The following LRRK1 variants were observed in gnomAD, a reference collection of about 807,000 sequenced individuals.
LRRK1 encodes the protein leucine rich repeat kinase 1, also known as leucine-rich repeat serine/threonine-protein kinase 1.
A neutral mutation model predicts 209.1 loss-of-function variants in LRRK1; 113 were observed. The observed-to-expected ratio is 0.54, with a 90% CI of 0.46 to 0.63. LRRK1 has a LOEUF of 0.63. LRRK1 is among the 30% of genes least tolerant of loss of function. LRRK1 has a pLI of 0.00. For synonymous variants in LRRK1, 1,144 were observed against 1,099.7 expected (o/e 1.04, Z -0.80); for missense variants, 2,284 against 2,632.2 (o/e 0.87, Z 2.89).
chr15:101,026,181 C>T, intron 17 of LRRK1, 44 bp downstream of exon 17: 2 of 1,579,986 alleles, frequency 1.3e-6, no homozygotes, highest in Non-Finnish European at 8.7e-7. Context: ...TTGTGGGTGC[C>T]AGTCGCTGAT....
chr15:101,068,970 C>T lies in LRRK1; in HGVS notation c.*122C>T. Reference sequence around the variant, plus strand: ...GACAGATGGAGTTCTCCCCTGAACTCCTTGCTGCTAAGAAGTGCTGAGAAG... The same window carrying T: ...GACAGATGGAGTTCTCCCCTGAACTTCTTGCTGCTAAGAAGTGCTGAGAAG... On this transcript the variant is annotated 3_prime_UTR_variant, in exon 34 of 34. Coordinates refer to ENST00000388948, the MANE Select transcript of LRRK1 (RefSeq NM_024652.6). The T allele has an allele frequency of 1.0e-6, 1 of 980,058 alleles. No homozygotes were observed. 60.7% of individuals were successfully genotyped at this position (980,058 alleles called of 1,614,324 possible).
intron 3 of LRRK1, 85 bp downstream of exon 3, chr15:100,974,052 C>A: frequency 8.9e-7 from 1 of 1,119,858 alleles, no homozygotes; most frequent in South Asian, 4.6e-5. Flanking sequence ...TCGTTATTGT[C>A]ATAACGGTAA....
rs1399833748 is a variant in LRRK1, at chr15:101,012,061, TGTC to T, written c.1336_1338del (p.Val446del). The T allele has an allele frequency of 3.1e-6, 5 of 1,612,210 alleles. No individual in the cohort carries two copies. The Admixed American group carries it at 8.4e-5, about 27-fold the overall frequency. ...TGGAATGTCTGCCAGACAAAATGGC[TGTC>T]TTTTGGAAAAATCACCTGAAGGATG... is the stretch of plus-strand genomic sequence containing the variant. On this transcript the variant is annotated inframe_deletion, in exon 10 of 34. Transcript: ENST00000388948.
In LRRK1 at chr15:100,985,329, C is replaced by G. The variant is rs956662876; in HGVS notation, c.433+1630C>G. 6.6e-5 allele frequency among the ~76,000 whole-genome samples: 10 copies of G among 152,216 alleles called. No individual in the cohort carries two copies. In the East Asian group the frequency reaches 1.7e-3, roughly 26 times the overall value. On this transcript the variant is annotated intron_variant, in intron 4 of 33. Transcript: ENST00000388948. Reference sequence around the variant, plus strand: ...TCTAGCCCTGAAGAGTCTGCACCAGCTGACTCCGTCACCTAATGTTAGCTA... The same window carrying G: ...TCTAGCCCTGAAGAGTCTGCACCAGGTGACTCCGTCACCTAATGTTAGCTA...
chr15:100,995,677 G>C (rs1033870889), intron 6 of LRRK1, among the ~76,000 whole-genome samples: 1 of 152,184 alleles, frequency 6.6e-6, no homozygotes, highest in Non-Finnish European at 1.5e-5. Context: ...AGAAAACTCA[G>C]AAATGCCAGG....
rs574332826 is a variant in LRRK1, at chr15:101,074,873, C to T, written c.*6025C>T. On this transcript the variant is annotated 3_prime_UTR_variant, in exon 34 of 34. Transcript: ENST00000388948. ...CTGCAGCCCAGGATTCCTCCTAAGC[C>T]GTGTCCCATCTGTGCGGGACCCCAC... 13 of 151,992 alleles carry T rather than the reference C, an allele frequency of 8.6e-5. No homozygotes were observed. The East Asian group carries it at 1.2e-3, about 14-fold the overall frequency. The allele number at this position is 151,992 out of a possible 1,614,324, so 9.4% of individuals were successfully genotyped here.
intron 20 of LRRK1, among the ~76,000 whole-genome samples, chr15:101,036,932 G>A (rs1236006312): frequency 6.6e-6 from 1 of 152,236 alleles, no homozygotes. Context: ...TGTTAGTGGA[G>A]CTTGTGGGGA....
chr15:101,014,009 G>A (rs907851442), intron 10 of LRRK1, among the ~76,000 whole-genome samples: 14 of 152,102 alleles, frequency 9.2e-5, no homozygotes, highest in Admixed American at 6.5e-4. Flanking sequence ...GAGACACACC[G>A]GTAATCAGTA....
intron 33 of LRRK1, 83 bp downstream of exon 33, chr15:101,066,824 T>A: frequency 9.0e-6 from 10 of 1,115,522 alleles, no homozygotes; most frequent in Non-Finnish European, 1.3e-5. Flanking sequence ...GCACAGTGGC[T>A]TTGCTGCCCT....
At chr15:100,979,159 A>G (rs1370618902) in intron 3 of LRRK1, among the ~76,000 whole-genome samples, 1 of 152,214 alleles carries the variant, frequency 6.6e-6, no homozygotes, top group Non-Finnish European at 1.5e-5. Context: ...ATATCAATTG[A>G]TACAGAAAAA....
intron 2 of LRRK1, among the ~76,000 whole-genome samples, chr15:100,962,104 A>G (rs573506618): frequency 1.3e-5 from 2 of 152,254 alleles, no homozygotes. Context: ...GAACTGGTTC[A>G]CTAAGCCAGG....
intron 26 of LRRK1, 73 bp downstream of exon 26, chr15:101,053,493 G>A: frequency 7.4e-7 from 1 of 1,347,034 alleles, no homozygotes; most frequent in South Asian, 1.3e-5. Flanking sequence ...TGGCACGGGG[G>A]GTAGAGCCTC....
At chr15:100,922,760 C>T (rs1220665565) in intron 1 of LRRK1, among the ~76,000 whole-genome samples, 1 of 152,200 alleles carries the variant, frequency 6.6e-6, no homozygotes, top group African/African-American at 2.4e-5. Context: ...TTCCTTTCCT[C>T]CTTCGACTTT....
At chr15:100,995,336 G>A (rs1007649209) in intron 6 of LRRK1, among the ~76,000 whole-genome samples, 1 of 152,210 alleles carries the variant, frequency 6.6e-6, no homozygotes, top group African/African-American at 2.4e-5. Context: ...TGCCCGCAAA[G>A]GGAGAAAATA....
intron 22 of LRRK1, chr15:101,049,374 T>A: frequency 2.7e-6 from 1 of 374,084 alleles, no homozygotes; most frequent in Non-Finnish European, 4.8e-6. Context: ...TCTGGGAACT[T>A]CCTTAGGGCC....
chr15:101,051,918 A>G lies in LRRK1; in HGVS notation c.3647A>G (p.Gln1216Arg). The change falls in exon 24 of 34, where the codon CAG becomes CGG. Residue 1216 changes from glutamine (Q) to arginine (R), a missense_variant. Gln to Arg is a conservative substitution (Grantham distance 43). Around this residue, in one of 6 missense-constraint regions of LRRK1, gnomAD observed 780 missense variants for 985.2 expected, o/e 0.79. Transcript: ENST00000388948. ...CACCCGGACCTCCCCGTGCCGCTGC[A>G]GGAGCTGGTCCCTGAACTGTTCATG... ...PRHPDLPVPL[Q>R]ELVPELFMTD... The G allele has an allele frequency of 6.2e-7, 1 of 1,613,976 alleles. No individual in the cohort carries two copies. Among genetic ancestry groups the G allele is most frequent in the Non-Finnish European group, 8.5e-7 (1 of 1,180,032 alleles).
At chr15:100,941,870 C>T (rs1371342456) in intron 2 of LRRK1, among the ~76,000 whole-genome samples, 4 of 152,126 alleles carry the variant, frequency 2.6e-5, no homozygotes, top group African/African-American at 9.7e-5. Context: ...GGGCCAGATC[C>T]ACAGGAGTCT....
Position 101,010,748 on chromosome 15 carries a change from C to G in LRRK1, c.1192C>G (p.Leu398Val), listed in dbSNP as rs768329041. ...SDNKLTELPA[L>V]FLHSFKSLNS... is the part of the protein sequence containing the mutation. ...CAATAAATTGACAGAACTCCCTGCCCTGTTCCTTCACTCTTTCAAGTCCCT... is the reference window on the plus strand; with the variant it reads ...CAATAAATTGACAGAACTCCCTGCCGTGTTCCTTCACTCTTTCAAGTCCCT... Residue 398 changes from leucine (L) to valine (V), a missense_variant, in exon 9 of 34, where the codon CTG (leucine) becomes GTG (valine). Leu to Val is a conservative substitution (Grantham distance 32). Coordinates refer to ENST00000388948, the MANE Select transcript of LRRK1 (RefSeq NM_024652.6). 6.2e-7 allele frequency: 1 copy of G among 1,613,640 alleles called. No individual in the cohort carries two copies. Among genetic ancestry groups the G allele is most frequent in the Non-Finnish European group, 8.5e-7 (1 of 1,179,862 alleles).
At chr15:100,971,868 A>G (rs977968109) in intron 2 of LRRK1, among the ~76,000 whole-genome samples, 2 of 152,276 alleles carry the variant, frequency 1.3e-5, no homozygotes, top group African/African-American at 2.4e-5. Flanking sequence ...GCTCCCACAA[A>G]TAAGTGAGAA....
Sources: gnomAD v4.1 joint callset for allele counts (sites outside exome capture counted in the v4.1 genomes callset) on GRCh38, gnomAD v4.1.1 for gene constraint, gnomAD v4.1.1 regional missense constraint, MANE v1.5 for transcripts, NCBI Gene and HGNC (gene_info 2026-07-23, HGNC 2026-07-21) for gene names.